The following STIM2 variants were observed in gnomAD, a reference collection of about 807,000 sequenced individuals.
STIM2 encodes the protein stromal interaction molecule 2.
Under a neutral mutation model 85.8 loss-of-function variants are expected in STIM2, and 31 were observed. The ratio of observed to expected loss-of-function variants is 0.36; its 90% CI spans 0.27 to 0.49. STIM2 has a LOEUF of 0.49. STIM2 is among the 20% of genes least tolerant of loss of function. The pLI is 0.98. For synonymous variants in STIM2, 356 were observed against 331.1 expected (o/e 1.08, Z -0.82); for missense variants, 841 against 927.6 (o/e 0.91, Z 1.21).
chr4:26,957,955 A>T (rs1324059999), intron 3 of STIM2, among the ~76,000 whole-genome samples: 1 of 152,190 alleles, frequency 6.6e-6, no homozygotes, highest in Non-Finnish European at 1.5e-5. Flanking sequence ...AGTAGAATAA[A>T]TAAGATAATG....
Position 26,957,646 on chromosome 4 carries a change from C to T in STIM2, c.317C>T (p.Thr106Ile). The stretch of plus-strand genomic sequence containing the variant: ...GAAGATATGAAATATAAAGATGCTA[C>T]TAATAAACACAGCCATCTGCACAGA... The change falls in exon 3 of 12, where the codon ACT becomes ATT. Residue 106 changes from threonine to isoleucine, a missense_variant. Physicochemically the swap from Thr to Ile is moderately conservative, Grantham distance 89. This residue lies in a region of STIM2 where 408 missense variants were observed against 525.4 expected (regional missense o/e 0.78). Transcript: ENST00000467087. 6.3e-7 allele frequency: 1 copy of T among 1,578,546 alleles called. No individual in the cohort carries two copies. The highest frequency in any genetic ancestry group is 1.2e-5 in the South Asian group (1 of 84,816).
intron 4 of STIM2, among the ~76,000 whole-genome samples, chr4:26,995,951 A>G (rs1357555756): frequency 6.6e-6 from 1 of 152,094 alleles, no homozygotes; most frequent in Non-Finnish European, 1.5e-5. Context: ...AAAAATAGCA[A>G]CCATTTTAAA....
chr4:27,000,093 A>G (rs1377108080), intron 5 of STIM2, among the ~76,000 whole-genome samples: 2 of 152,132 alleles, frequency 1.3e-5, no homozygotes, highest in African/African-American at 2.4e-5. Flanking sequence ...AAATTAATAC[A>G]AGAAAAATGC....
chr4:26,905,537 G>A (rs187771387), intron 1 of STIM2, among the ~76,000 whole-genome samples: 2 of 152,298 alleles, frequency 1.3e-5, no homozygotes, highest in East Asian at 1.9e-4. Context: ...GAATAATCAA[G>A]AAAGAGTGTT....
chr4:26,893,608 A>G (rs1723580398), intron 1 of STIM2, among the ~76,000 whole-genome samples: 1 of 152,042 alleles, frequency 6.6e-6, no homozygotes, highest in Non-Finnish European at 1.5e-5. Flanking sequence ...TTCTGTGACT[A>G]TTTCTTTATT....
chr4:26,883,159 T>A (rs1255718071), intron 1 of STIM2, among the ~76,000 whole-genome samples: 1 of 152,034 alleles, frequency 6.6e-6, no homozygotes, highest in African/African-American at 2.4e-5. Context: ...TTGTGTGTCT[T>A]TTCTGCCATG....
At chr4:27,008,134 G>A (rs987353910) in intron 8 of STIM2, 8 of 604,204 alleles carry the variant, frequency 1.3e-5, no homozygotes, top group Admixed American at 9.6e-5. Flanking sequence ...GTATAATATA[G>A]CTAATGTTCT....
intron 3 of STIM2, among the ~76,000 whole-genome samples, chr4:26,993,943 G>A (rs989664162): frequency 2.0e-5 from 3 of 152,000 alleles, no homozygotes; most frequent in African/African-American, 4.8e-5. Context: ...TTAGAACCTC[G>A]TAAGTTTTTT....
chr4:26,999,390 C>A, intron 5 of STIM2, 43 bp downstream of exon 5: 2 of 1,221,702 alleles, frequency 1.6e-6, no homozygotes, highest in South Asian at 1.5e-5. Flanking sequence ...AAAAGAATAT[C>A]CTGATCATCT....
At chr4:26,868,770 C>G (rs942588386) in intron 1 of STIM2, among the ~76,000 whole-genome samples, 1 of 152,034 alleles carries the variant, frequency 6.6e-6, no homozygotes, top group Non-Finnish European at 1.5e-5. Context: ...ACATCTCTAA[C>G]GTTTTCATTA....
intron 3 of STIM2, among the ~76,000 whole-genome samples, chr4:26,977,380 G>A (rs566999846): frequency 2.4e-4 from 37 of 152,308 alleles, no homozygotes; most frequent in South Asian, 1.9e-3. Context: ...TAAGTATATT[G>A]CAAGTATAAC....
intron 3 of STIM2, among the ~76,000 whole-genome samples, chr4:26,964,883 A>G (rs1726652422): frequency 6.6e-6 from 1 of 152,182 alleles, no homozygotes; most frequent in South Asian, 2.1e-4. Context: ...ACAGAAGTTA[A>G]GTAAAGCCAG....
intron 2 of STIM2, among the ~76,000 whole-genome samples, chr4:26,954,560 A>G (rs1577460248): frequency 6.7e-6 from 1 of 148,574 alleles, no homozygotes; most frequent in Admixed American, 6.6e-5. Flanking sequence ...TCTTTTGTGT[A>G]TGCATTTTCA....
intron 1 of STIM2, among the ~76,000 whole-genome samples, chr4:26,905,307 A>T (rs1484890582): frequency 6.6e-6 from 1 of 152,220 alleles, no homozygotes; most frequent in Non-Finnish European, 1.5e-5. Context: ...CTAGCCAAGT[A>T]TGATGAAATA....
rs187892107 is a variant in STIM2, at chr4:27,000,869, C to G, written c.626-1348C>G. Among the ~76,000 whole-genome samples, 53 of 151,208 alleles carry G rather than the reference C, an allele frequency of 3.5e-4. No individual in the cohort carries two copies. In the East Asian group the frequency reaches 9.1e-3, roughly 26 times the overall value. On this transcript the variant is annotated intron_variant, in intron 5 of 11. Coordinates refer to ENST00000467087, the MANE Select transcript of STIM2 (RefSeq NM_020860.4). ...TGGTGCTTATTATTGAGTGTAGGAC[C>G]TTATTTATCTATTTATTGTTATTTA...
intron 1 of STIM2, among the ~76,000 whole-genome samples, chr4:26,901,313 C>A (rs1338674877): frequency 6.6e-6 from 1 of 152,060 alleles, no homozygotes; most frequent in Non-Finnish European, 1.5e-5. Flanking sequence ...TAAAAAATTT[C>A]TAGGAACTGA....
At chr4:27,018,064 G>T in intron 11 of STIM2, 80 bp downstream of exon 11, 1 of 1,557,844 alleles carries the variant, frequency 6.4e-7, no homozygotes, top group East Asian at 2.2e-5. Context: ...GAGGAGTGGT[G>T]CATGTTTCCA....
intron 2 of STIM2, among the ~76,000 whole-genome samples, chr4:26,927,703 A>AG (rs1388746251): frequency 1.7e-4 from 22 of 128,982 alleles, no homozygotes; most frequent in Non-Finnish European, 2.8e-4. Flanking sequence ...AAAAAAAAAA[A>AG]AAAACTTGAA....
At chr4:26,943,510 T>C (rs1307990134) in intron 2 of STIM2, among the ~76,000 whole-genome samples, 2 of 152,168 alleles carry the variant, frequency 1.3e-5, no homozygotes, top group African/African-American at 4.8e-5. Context: ...TCGCCTTTGA[T>C]AGGTTTCTTG....
Sources: gnomAD v4.1 joint callset for allele counts (sites outside exome capture counted in the v4.1 genomes callset) on GRCh38, gnomAD v4.1.1 for gene constraint, gnomAD v4.1.1 regional missense constraint, MANE v1.5 for transcripts, NCBI Gene and HGNC (gene_info 2026-07-23, HGNC 2026-07-21) for gene names.